Variants in RBFOX1 observed in about 807,000 individuals in gnomAD.
The protein encoded by RBFOX1 is RNA binding protein fox-1 homolog 1.
Under a neutral mutation model 57.7 loss-of-function variants are expected in RBFOX1, and 8 were observed. The ratio of observed to expected loss-of-function variants is 0.14; its 90% CI spans 0.08 to 0.25. The LOEUF (loss-of-function observed/expected upper bound fraction) is 0.25. RBFOX1 is among the 10% of genes least tolerant of loss of function. The pLI, the probability that RBFOX1 is intolerant of heterozygous loss-of-function variation, is 1.00. For synonymous variants in RBFOX1, 326 were observed against 222.4 expected (o/e 1.47, Z -4.15); for missense variants, 611 against 548.5 (o/e 1.11, Z -1.14).
At chr16:5,649,181 A>T (rs2049148517) in intron 3 of RBFOX1, among the ~76,000 whole-genome samples, 1 of 152,030 alleles carries the variant, frequency 6.6e-6, no homozygotes, top group South Asian at 2.1e-4. Flanking sequence ...GTATATATGT[A>T]CTTTGTGTTT....
chr16:5,720,028 C>A (rs1431579680), intron 3 of RBFOX1, among the ~76,000 whole-genome samples: 2 of 152,028 alleles, frequency 1.3e-5, no homozygotes, highest in South Asian at 4.1e-4. Context: ...GGTTCCCATT[C>A]CCCCTCACAA....
At chr16:7,026,915 C>G (rs997301472) in intron 3 of RBFOX1, among the ~76,000 whole-genome samples, 2 of 152,270 alleles carry the variant, frequency 1.3e-5, no homozygotes, top group East Asian at 1.9e-4. Flanking sequence ...TAGGGTAATA[C>G]CGGAGCTGGC....
At chr16:7,449,325 AG>A (rs1325092336) in intron 4 of RBFOX1, among the ~76,000 whole-genome samples, 2 of 152,004 alleles carry the variant, frequency 1.3e-5, no homozygotes, top group Non-Finnish European at 2.9e-5. Context: ...CTTTTTTGGC[AG>A]GGGGACACTC....
chr16:6,692,667 A>G (rs1034301111), intron 3 of RBFOX1, among the ~76,000 whole-genome samples: 1 of 151,614 alleles, frequency 6.6e-6, no homozygotes, highest in Non-Finnish European at 1.5e-5. Flanking sequence ...TTCCACCTGA[A>G]TGTGTTTCCC....
intron 3 of RBFOX1, among the ~76,000 whole-genome samples, chr16:7,015,816 G>C (rs2093882919): frequency 6.6e-6 from 1 of 151,188 alleles, no homozygotes; most frequent in Admixed American, 6.6e-5. Flanking sequence ...GATTTGGGTA[G>C]AAAGAAATAT....
At chr16:7,282,569 T>C (rs924520926) in intron 4 of RBFOX1, among the ~76,000 whole-genome samples, 1 of 152,000 alleles carries the variant, frequency 6.6e-6, no homozygotes, top group Non-Finnish European at 1.5e-5. Context: ...CTTTTTTTTT[T>C]CCTGTTATCG....
chr16:6,297,793 C>T (rs906152897), intron 1 of RBFOX1, among the ~76,000 whole-genome samples: 3 of 152,098 alleles, frequency 2.0e-5, no homozygotes, highest in African/African-American at 4.8e-5. Context: ...AGCATCTGAA[C>T]GCTGAGAGGA....
At chr16:7,499,188 G>C (rs1327545702) in intron 4 of RBFOX1, among the ~76,000 whole-genome samples, 2 of 152,140 alleles carry the variant, frequency 1.3e-5, no homozygotes, top group Admixed American at 1.3e-4. Flanking sequence ...CTGAGTGCTG[G>C]GAGGACAATC....
At chr16:5,665,011 C>G (rs540627199) in intron 3 of RBFOX1, among the ~76,000 whole-genome samples, 1 of 151,842 alleles carries the variant, frequency 6.6e-6, no homozygotes, top group Non-Finnish European at 1.5e-5. Context: ...GTGGCACAGT[C>G]CTAGCTCACT....
intron 1 of RBFOX1, among the ~76,000 whole-genome samples, chr16:5,456,328 G>A (rs1237140860): frequency 6.6e-6 from 1 of 152,114 alleles, no homozygotes; most frequent in East Asian, 1.9e-4. Context: ...TTTGACTCAT[G>A]TAGGGAGAAA....
intron 4 of RBFOX1, among the ~76,000 whole-genome samples, chr16:7,154,510 T>A (rs758724316): frequency 1.3e-5 from 2 of 152,206 alleles, no homozygotes; most frequent in Non-Finnish European, 2.9e-5. Flanking sequence ...AGGACCTTCC[T>A]ACAAGGCAGC....
intron 14 of RBFOX1, among the ~76,000 whole-genome samples, chr16:7,698,476 G>T (rs760942702): frequency 1.1e-4 from 17 of 152,068 alleles, no homozygotes; most frequent in Non-Finnish European, 1.9e-4. Flanking sequence ...AGCAAGTTCA[G>T]GGGTACAAGG....
intron 1 of RBFOX1, among the ~76,000 whole-genome samples, chr16:6,115,493 G>A (rs1187015115): frequency 6.6e-6 from 1 of 152,174 alleles, no homozygotes; most frequent in East Asian, 1.9e-4. Context: ...CATATTGGCT[G>A]GCCCAAGGGG....
chr16:7,093,747 AG>A (rs2061247780), intron 4 of RBFOX1, among the ~76,000 whole-genome samples: 1 of 152,150 alleles, frequency 6.6e-6, no homozygotes. Context: ...AGCACCCAGA[AG>A]CTGTTGATGT....
chr16:5,583,623 C>T (rs942732425), intron 2 of RBFOX1, among the ~76,000 whole-genome samples: 12 of 152,322 alleles, frequency 7.9e-5, no homozygotes, highest in Admixed American at 2.6e-4. Flanking sequence ...TCAAGTTGAA[C>T]TTGTCTGAAG....
chr16:5,796,359 T>G (rs770600870), intron 3 of RBFOX1, among the ~76,000 whole-genome samples: 8 of 152,184 alleles, frequency 5.3e-5, no homozygotes, highest in Non-Finnish European at 7.3e-5. Context: ...AGGAATGAGT[T>G]GCTCAATCCA....
intron 4 of RBFOX1, among the ~76,000 whole-genome samples, chr16:7,100,380 C>G (rs1388294076): frequency 1.3e-5 from 2 of 152,100 alleles, no homozygotes; most frequent in Non-Finnish European, 2.9e-5. Flanking sequence ...CCCAGCCTAT[C>G]ACTCATCACT....
intron 2 of RBFOX1, among the ~76,000 whole-genome samples, chr16:6,533,331 C>G (rs78173901): frequency 6.6e-6 from 1 of 152,138 alleles, no homozygotes. Flanking sequence ...AATTTGAGAA[C>G]CTGGCTCAGA....
intron 3 of RBFOX1, among the ~76,000 whole-genome samples, chr16:5,792,284 A>G (rs902898813): frequency 1.3e-5 from 2 of 152,168 alleles, no homozygotes; most frequent in African/African-American, 4.8e-5. Context: ...ATCCCTTTCT[A>G]AGTTCTCTTA....
Sources: allele counts gnomAD v4.1 joint callset (sites outside exome capture counted in the v4.1 genomes callset), GRCh38; gene constraint gnomAD v4.1.1; transcripts MANE v1.5; gene names NCBI Gene and HGNC (gene_info 2026-07-23, HGNC 2026-07-21).